Variants in ROBO1 observed in about 807,000 individuals in gnomAD.
ROBO1 encodes the protein roundabout homolog 1.
Under a neutral mutation model 195.9 loss-of-function variants are expected in ROBO1, and 149 were observed. The ratio of observed to expected loss-of-function variants is 0.76; its 90% CI spans 0.67 to 0.87. The LOEUF (loss-of-function observed/expected upper bound fraction) is 0.87. ROBO1 is among the 40% of genes least tolerant of loss of function. ROBO1 has a pLI of 0.00. For missense variants in ROBO1, 1,933 were observed against 2,068.3 expected, an observed-to-expected ratio of 0.93 and a Z score of 1.27; for synonymous variants, 816 against 733.2, an observed-to-expected ratio of 1.11 and a Z score of -1.82.
intron 4 of ROBO1, among the ~76,000 whole-genome samples, chr3:78,889,559 A>G (rs756449372): frequency 6.6e-6 from 1 of 152,204 alleles, no homozygotes; most frequent in Non-Finnish European, 1.5e-5. Context: ...CAGAAATGCT[A>G]GAAGTCAGCA....
At chr3:79,481,302 G>A (rs939423725) in intron 2 of ROBO1, among the ~76,000 whole-genome samples, 2 of 151,962 alleles carry the variant, frequency 1.3e-5, no homozygotes, top group African/African-American at 4.8e-5. Context: ...GAATTTTGTC[G>A]AACACAATTT....
At chr3:78,982,100 C>A (rs1163651180) in intron 3 of ROBO1, among the ~76,000 whole-genome samples, 1 of 152,088 alleles carries the variant, frequency 6.6e-6, no homozygotes, top group Non-Finnish European at 1.5e-5. Flanking sequence ...TACCTCTTGC[C>A]TTTCCAAAAG....
rs142485506 is a variant in ROBO1 at position 78,826,986 on chromosome 3, C to T, written c.500-80086G>A. Among the ~76,000 whole-genome samples, 291 of 152,034 alleles carry T rather than the reference C, an allele frequency of 1.9e-3. 1 individual carries two copies. Among genetic ancestry groups the T allele is most frequent in the Non-Finnish European group, 3.6e-3 (247 of 67,970 alleles). ...ATGATTTTGCATATACATACTTATA[C>T]GTACTTAAATTTTATTTATATTATA... is the stretch of plus-strand genomic sequence containing the variant. On this transcript the variant is annotated intron_variant, in intron 4 of 30. Coordinates refer to ENST00000464233, the MANE Select transcript of ROBO1 (RefSeq NM_002941.4).
intron 3 of ROBO1, among the ~76,000 whole-genome samples, chr3:79,064,212 C>T (rs935859493): frequency 6.6e-6 from 1 of 151,878 alleles, no homozygotes; most frequent in African/African-American, 2.4e-5. Context: ...TAAATATATA[C>T]AGTTATTATA....
intron 3 of ROBO1, among the ~76,000 whole-genome samples, chr3:79,097,239 T>C (rs2108502445): frequency 6.6e-6 from 1 of 151,966 alleles, no homozygotes; most frequent in African/African-American, 2.4e-5. Context: ...AACTTTCAAG[T>C]AGATTATTTC....
Position 78,699,614 on chromosome 3 carries a change from T to C in ROBO1, c.1046-10842A>G, listed in dbSNP as rs1170715140. On this transcript the variant is annotated intron_variant, in intron 8 of 30. Transcript: ENST00000464233. ...AATATTAATAATAATAATAATACAA[T>C]TACACTTTGTTTTTACGTTTTGTTT... Among the ~76,000 whole-genome samples the C allele has an allele frequency of 2.0e-5, 3 of 150,908 alleles. No homozygotes were observed. The East Asian group carries it at 5.8e-4, about 29-fold the overall frequency.
chr3:78,790,882 G>A (rs954439312), intron 4 of ROBO1, among the ~76,000 whole-genome samples: 16 of 152,122 alleles, frequency 1.1e-4, no homozygotes, highest in African/African-American at 3.9e-4. Flanking sequence ...CCAAGGGATG[G>A]GGCAGGGAAG....
chr3:79,732,687 G>A (rs1388974653), intron 1 of ROBO1, among the ~76,000 whole-genome samples: 5 of 152,092 alleles, frequency 3.3e-5, no homozygotes, highest in African/African-American at 9.7e-5. Flanking sequence ...TCTTATTTCA[G>A]TTTTAAGAAA....
At chr3:79,620,445 A>G (rs1944970102) in intron 1 of ROBO1, among the ~76,000 whole-genome samples, 2 of 152,114 alleles carry the variant, frequency 1.3e-5, no homozygotes, top group African/African-American at 4.8e-5. Flanking sequence ...CCTTGCCTCC[A>G]TAACTGTTGT....
chr3:79,476,593 C>T (rs192945991), intron 2 of ROBO1, among the ~76,000 whole-genome samples: 18 of 151,972 alleles, frequency 1.2e-4, no homozygotes, highest in Admixed American at 6.6e-4. Context: ...TAAAAAGGAA[C>T]GACATAATGG....
At chr3:79,568,260 G>T (rs866966528) in intron 2 of ROBO1, among the ~76,000 whole-genome samples, 1 of 152,066 alleles carries the variant, frequency 6.6e-6, no homozygotes, top group South Asian at 2.1e-4. Flanking sequence ...AAAATTGCTT[G>T]TCAATCAGCA....
chr3:79,202,043 C>T (rs1018438747), intron 2 of ROBO1, among the ~76,000 whole-genome samples: 1 of 151,864 alleles, frequency 6.6e-6, no homozygotes, highest in Non-Finnish European at 1.5e-5. Flanking sequence ...TCATTGTAGA[C>T]GTCCATTCTT....
At chr3:78,910,919 C>T (rs1452473014) in intron 4 of ROBO1, among the ~76,000 whole-genome samples, 1 of 151,952 alleles carries the variant, frequency 6.6e-6, no homozygotes, top group Non-Finnish European at 1.5e-5. Flanking sequence ...TAACAGGTCC[C>T]ATCCCACATC....
chr3:79,385,224 A>G (rs978989596), intron 2 of ROBO1, among the ~76,000 whole-genome samples: 1 of 152,144 alleles, frequency 6.6e-6, no homozygotes, highest in African/African-American at 2.4e-5. Context: ...TTGTAAACTA[A>G]TGCATACTAT....
intron 3 of ROBO1, among the ~76,000 whole-genome samples, chr3:78,970,856 T>C (rs1381704657): frequency 6.6e-6 from 1 of 152,072 alleles, no homozygotes; most frequent in Non-Finnish European, 1.5e-5. Flanking sequence ...ACGATTTCAA[T>C]CTAGGTCATT....
intron 3 of ROBO1, among the ~76,000 whole-genome samples, chr3:79,114,958 AT>A (rs1261867640): frequency 1.3e-5 from 2 of 152,142 alleles, no homozygotes; most frequent in Non-Finnish European, 2.9e-5. Context: ...GCAAGATCTA[AT>A]TGTAGAGTCA....
At chr3:79,335,794 T>G (rs2034641602) in intron 2 of ROBO1, among the ~76,000 whole-genome samples, 1 of 152,080 alleles carries the variant, frequency 6.6e-6, no homozygotes, top group Non-Finnish European at 1.5e-5. Flanking sequence ...TTGGAACAGT[T>G]TGGAGAGCTT....
At chr3:78,635,468 T>C (rs1193618383) in intron 23 of ROBO1, among the ~76,000 whole-genome samples, 2 of 152,186 alleles carry the variant, frequency 1.3e-5, no homozygotes, top group Non-Finnish European at 2.9e-5. Flanking sequence ...CGAGGTATTG[T>C]GACAGTTGTA....
chr3:79,506,327 T>G (rs1333178612), intron 2 of ROBO1, among the ~76,000 whole-genome samples: 1 of 152,064 alleles, frequency 6.6e-6, no homozygotes, highest in Non-Finnish European at 1.5e-5. Context: ...ACGGGGTGAA[T>G]AGAAGTAAGA....
Sources: gnomAD v4.1 joint callset for allele counts (sites outside exome capture counted in the v4.1 genomes callset) on GRCh38, gnomAD v4.1.1 for gene constraint, MANE v1.5 for transcripts, NCBI Gene and HGNC (gene_info 2026-07-23, HGNC 2026-07-21) for gene names.